The following KDM4A variants were observed in gnomAD, a reference collection of about 807,000 sequenced individuals.
The protein encoded by KDM4A is lysine demethylase 4A.
Under a neutral mutation model 127.1 loss-of-function variants are expected in KDM4A, and 23 were observed. The ratio of observed to expected loss-of-function variants is 0.18; its 90% confidence interval spans 0.13 to 0.26. The LOEUF is 0.26. Ranked by LOEUF, KDM4A falls within the 10% of genes least tolerant of loss-of-function variation. KDM4A has a pLI of 1.00. For synonymous variants in KDM4A, 443 were observed against 466.5 expected, an observed-to-expected ratio of 0.95 and a Z score of 0.65; for missense variants, 890 against 1,329.1, an observed-to-expected ratio of 0.67 and a Z score of 5.14.
intron 19 of KDM4A, among the ~76,000 whole-genome samples, chr1:43,700,573 T>C (rs1250050556): frequency 1.3e-5 from 2 of 152,192 alleles, no homozygotes; most frequent in Admixed American, 6.5e-5. Context: ...ACCTCCCGAG[T>C]AGCTGGGACT....
intron 13 of KDM4A, among the ~76,000 whole-genome samples, chr1:43,690,047 G>A (rs1483755138): frequency 1.3e-5 from 2 of 152,242 alleles, no homozygotes; most frequent in African/African-American, 2.4e-5. Context: ...TGGAGATGCA[G>A]GTGCCATCCA....
chr1:43,679,305 C>T lies in KDM4A; in HGVS notation c.1735-4379C>T, dbSNP rs969236196. On this transcript the variant is annotated intron_variant, in intron 11 of 21. Transcript: ENST00000372396. ...GTCCAGAGGGCTTGGCCTATGAAAC[C>T]CTCTGTAATGAGGATGGAATGAGTA... Among the ~76,000 whole-genome samples, 13 of 152,194 alleles carry T rather than the reference C, an allele frequency of 8.5e-5. No individual in the cohort carries two copies. The East Asian group carries it at 2.5e-3, about 29-fold the overall frequency.
Position 43,655,758 on chromosome 1 carries a change from T to A in KDM4A, c.306T>A (p.Asn102Lys). Residue 102 changes from asparagine (N) to lysine (K), a missense_variant, in exon 3 of 22, where the codon AAT (asparagine) becomes AAA (lysine). Around this residue, in one of 7 missense-constraint regions of KDM4A, gnomAD observed 41 missense variants for 40.8 expected, o/e 1.00. Coordinates refer to ENST00000372396, the MANE Select transcript of KDM4A (RefSeq NM_014663.3). The part of the protein sequence containing the change: ...MTVREFRKIA[N>K]SDKYCTPRYS... ...TTCGAGAGTTCCGCAAGATAGCCAA[T>A]AGCGATAAGTGAGTGGAAACCCTTT... The A allele has an allele frequency of 6.2e-7, 1 of 1,609,714 alleles. No individual in the cohort carries two copies.
In KDM4A at chr1:43,688,513, G is replaced by A. The variant is rs1351016848; in HGVS notation, c.1856-401G>A. Among the ~76,000 whole-genome samples, 1 of 152,170 alleles carries A rather than the reference G, an allele frequency of 6.6e-6. No individual in the cohort carries two copies. Among genetic ancestry groups the A allele is most frequent in the Non-Finnish European group, 1.5e-5 (1 of 68,028 alleles). On this transcript the variant is annotated intron_variant, in intron 12 of 21. Coordinates refer to ENST00000372396, the MANE Select transcript of KDM4A (RefSeq NM_014663.3). The surrounding 1 kb of genome is among the most constrained non-coding windows in gnomAD (Gnocchi z 4.4). ...TTGCACTAAAGGGAAAACTCTAAAA[G>A]GTAAAGGACTTAACAGGCTGACGTT...
intron 12 of KDM4A, among the ~76,000 whole-genome samples, chr1:43,687,416 T>C (rs1290474201): frequency 2.0e-5 from 3 of 151,872 alleles, no homozygotes; most frequent in Non-Finnish European, 4.4e-5. Flanking sequence ...AGAAGGAGGG[T>C]CATAGCTGGG....
chr1:43,673,472 C>T (rs191084927), intron 11 of KDM4A, among the ~76,000 whole-genome samples: 16 of 152,032 alleles, frequency 1.1e-4, no homozygotes, highest in Admixed American at 9.2e-4. Context: ...TTCACATTTC[C>T]CTAGTGTTGC....
chr1:43,695,061 T>C (rs1310651991), intron 18 of KDM4A, among the ~76,000 whole-genome samples, 167 bp downstream of exon 18: 1 of 152,234 alleles, frequency 6.6e-6, no homozygotes, highest in East Asian at 1.9e-4. Context: ...CTCCACTCCC[T>C]GCCTTGTACT....
intron 11 of KDM4A, among the ~76,000 whole-genome samples, chr1:43,683,055 T>G (rs1570853630): frequency 6.6e-6 from 1 of 152,180 alleles, no homozygotes; most frequent in African/African-American, 2.4e-5. Flanking sequence ...CCTTTCCCTT[T>G]GCAAGCCAGG....
intron 19 of KDM4A, among the ~76,000 whole-genome samples, chr1:43,701,122 T>C (rs531331345): frequency 1.3e-5 from 2 of 152,166 alleles, no homozygotes; most frequent in East Asian, 1.9e-4. Flanking sequence ...GGTTTCCCCA[T>C]GTTGTCCAGG....
chr1:43,666,283 G>T (rs1227402605), intron 6 of KDM4A, 169 bp from the exon 7 acceptor site: 1 of 606,904 alleles, frequency 1.6e-6, no homozygotes, highest in African/African-American at 1.9e-5. Flanking sequence ...GAGCCTAGAG[G>T]CTCATTGCAG....
rs1267630620 is a variant in KDM4A at position 43,669,239 on chromosome 1, G to T, written c.1303G>T (p.Ala435Ser). 1.9e-6 allele frequency: 3 copies of T among 1,614,048 alleles called. No homozygotes were observed. Among genetic ancestry groups the T allele is most frequent in the Non-Finnish European group, 2.5e-6 (3 of 1,180,044 alleles). ...GATGACGGAGTGCCCGGCAGCCCTC[G>T]CCCCTGTGAGGCCCACCCATAGCTC... ...YEMTECPAALAPVRPTHSSVR... is the reference protein window; with the variant it reads ...YEMTECPAALSPVRPTHSSVR... Residue 435 changes from alanine to serine, a missense_variant, in exon 10 of 22, where the codon GCC (alanine) becomes TCC (serine). Physicochemically the swap from Ala to Ser is moderately conservative, Grantham distance 99. This residue lies in a region of KDM4A where 389 missense variants were observed against 485.9 expected (regional missense o/e 0.80). Coordinates refer to ENST00000372396, the MANE Select transcript of KDM4A (RefSeq NM_014663.3).
chr1:43,693,241 G>A lies in KDM4A; in HGVS notation c.2376-753G>A, dbSNP rs1189277854. ...TCTGAATGCCTGTTCTGCCCTCCAGGGCCACACAGAACAAATCTGTTCCCA... is the reference window on the plus strand; with the variant it reads ...TCTGAATGCCTGTTCTGCCCTCCAGAGCCACACAGAACAAATCTGTTCCCA... On this transcript the variant is annotated intron_variant, in intron 16 of 21. Coordinates refer to ENST00000372396, the MANE Select transcript of KDM4A (RefSeq NM_014663.3). The surrounding 1 kb of genome is among the most constrained non-coding windows in gnomAD (Gnocchi z 4.2). Among the ~76,000 whole-genome samples, 2 of 152,140 alleles carry A rather than the reference G, an allele frequency of 1.3e-5. No homozygotes were observed. Among genetic ancestry groups the A allele is most frequent in the African/African-American group, 4.8e-5 (2 of 41,424 alleles).
rs948580853 is a variant in KDM4A, at chr1:43,660,430, C to T, written c.429+18C>T. 1 of 1,580,614 alleles carries T rather than the reference C, an allele frequency of 6.3e-7. No individual in the cohort carries two copies. The highest frequency in any genetic ancestry group is 8.6e-7 in the Non-Finnish European group (1 of 1,161,306). On this transcript the variant is annotated intron_variant, in intron 4 of 21. Coordinates refer to ENST00000372396, the MANE Select transcript of KDM4A (RefSeq NM_014663.3). ...ATGAAAAGGTGAGGCTCACTGGAAA[C>T]CCTCTGTGCAGTGTTTTTGTAATTT...
rs890385906 is a variant in KDM4A at position 43,683,568 on chromosome 1, A to G, written c.1735-116A>G. 4.2e-6 allele frequency: 5 copies of G among 1,204,180 alleles called. No homozygotes were observed. In the Admixed American group the frequency reaches 9.4e-5, roughly 23 times the overall value. 74.6% of individuals were successfully genotyped at this position (1,204,180 alleles called of 1,614,324 possible). On this transcript the variant is annotated intron_variant, in intron 11 of 21. Coordinates refer to ENST00000372396, the MANE Select transcript of KDM4A (RefSeq NM_014663.3). ...AGATAGGTATTTTCTGTTTGGTATT[A>G]TATGTCTTTTTGTTTCTCTGTGCCC...
intron 9 of KDM4A, 145 bp from the exon 10 acceptor site, chr1:43,668,955 C>G: frequency 2.7e-6 from 2 of 730,468 alleles, no homozygotes; most frequent in Non-Finnish European, 4.6e-6. Context: ...TGTCTCAAGT[C>G]ACAAATAAGA....
intron 3 of KDM4A, 66 bp downstream of exon 3, chr1:43,655,832 C>A: frequency 7.4e-7 from 1 of 1,343,602 alleles, no homozygotes; most frequent in South Asian, 1.4e-5. Flanking sequence ...CTCCTAGCAT[C>A]TCCAGGACTG....
At chr1:43,702,414 A>G (rs140578454) in intron 19 of KDM4A, 7 of 152,222 alleles carry the variant, frequency 4.6e-5, no homozygotes, top group South Asian at 2.1e-4. Flanking sequence ...TGAATTGTCA[A>G]TAAGTAGGGA....
intron 1 of KDM4A, 168 bp downstream of exon 1, chr1:43,650,420 C>T (rs1450873482): frequency 2.6e-5 from 4 of 152,212 alleles, no homozygotes; most frequent in African/African-American, 7.2e-5. Context: ...TGAGATTGGT[C>T]CTTTCCAATC....
chr1:43,674,933 T>G (rs1382561647), intron 11 of KDM4A, among the ~76,000 whole-genome samples: 2 of 152,048 alleles, frequency 1.3e-5, no homozygotes, highest in Non-Finnish European at 2.9e-5. Context: ...CAGATCCTAG[T>G]GAAGTGAAGC....
Sources: allele counts gnomAD v4.1 joint callset (sites outside exome capture counted in the v4.1 genomes callset), GRCh38; gene constraint gnomAD v4.1.1; regional missense constraint gnomAD v4.1.1; non-coding constraint Gnocchi (gnomAD v3.1); transcripts MANE v1.5; gene names NCBI Gene and HGNC (gene_info 2026-07-23, HGNC 2026-07-21).